The following CYS1 variants were observed in gnomAD, a reference collection of about 807,000 sequenced individuals.
CYS1 encodes cystin-1.
A neutral mutation model predicts 9.6 loss-of-function variants in CYS1; 5 were observed. The observed-to-expected ratio is 0.52, with a 90% confidence interval of 0.27 to 1.10. The LOEUF is 1.10. Ranked by LOEUF, CYS1 falls within the 50% of genes least tolerant of loss-of-function variation. The pLI is 0.11. For missense variants in CYS1, 221 were observed against 207.9 expected (o/e 1.06, Z -0.39); for synonymous variants, 88 against 95.7 (o/e 0.92, Z 0.47).
chr2:10,062,119 C>CA (rs1273410329), intron 2 of CYS1, among the ~76,000 whole-genome samples: 1 of 151,914 alleles, frequency 6.6e-6, no homozygotes, highest in Non-Finnish European at 1.5e-5. Context: ...GCCATCCTCC[C>CA]ACCTCAGTCT....
At chr2:10,067,714 T>C (rs1292383959) in intron 1 of CYS1, among the ~76,000 whole-genome samples, 2 of 152,212 alleles carry the variant, frequency 1.3e-5, no homozygotes, top group Non-Finnish European at 2.9e-5. Flanking sequence ...GTCAGAGATA[T>C]ATGAATTTAT....
intron 1 of CYS1, among the ~76,000 whole-genome samples, chr2:10,078,255 T>C (rs1661887089): frequency 6.6e-6 from 1 of 152,186 alleles, no homozygotes; most frequent in African/African-American, 2.4e-5. Context: ...CTCGGCCACC[T>C]GGATCATTGC....
chr2:10,058,609 G>GC lies in CYS1; in HGVS notation c.*243dup. On this transcript the variant is annotated 3_prime_UTR_variant, in exon 3 of 3. Transcript: ENST00000381813. ...AGGCTCCCCGCGTTGGGGAGGAGGCGCCGGCGGCCCAGGCCCACGCACCTG... is the reference window on the plus strand; with the variant it reads ...AGGCTCCCCGCGTTGGGGAGGAGGCGCCCGGCGGCCCAGGCCCACGCACCTG... 2.5e-6 allele frequency: 1 copy of GC among 402,744 alleles called. No individual in the cohort carries two copies. The highest frequency in any genetic ancestry group is 3.6e-5 in the East Asian group (1 of 27,474). The allele number at this position is 402,744 out of a possible 1,614,324, so 24.9% of individuals were successfully genotyped here.
In CYS1 at chr2:10,080,113, C is replaced by G; in HGVS notation, c.111G>C (p.Arg37=). The change falls in exon 1 of 3, where the codon CGG becomes CGC. Residue 37 remains arginine, a synonymous_variant. Transcript: ENST00000381813. The surrounding 1 kb of genome is among the most constrained non-coding windows in gnomAD (Gnocchi z 6.4). ...AAALEGGTRR[R]VPVAAAEVPG... is the part of the protein sequence containing the mutation. Reference sequence around the variant, plus strand: ...GGACCTCGGCCGCCGCCACCGGCACCCGCCGGCGGGTCCCGCCCTCCAGGG... The same window carrying G: ...GGACCTCGGCCGCCGCCACCGGCACGCGCCGGCGGGTCCCGCCCTCCAGGG... 6.8e-6 allele frequency: 7 copies of G among 1,027,442 alleles called. No homozygotes were observed. The highest frequency in any genetic ancestry group is 8.2e-6 in the Non-Finnish European group (7 of 858,804). 63.6% of individuals were successfully genotyped at this position (1,027,442 alleles called of 1,614,324 possible).
At chr2:10,062,156 T>C (rs1432899505) in intron 2 of CYS1, among the ~76,000 whole-genome samples, 2 of 151,978 alleles carry the variant, frequency 1.3e-5, no homozygotes, top group Admixed American at 1.3e-4. Flanking sequence ...CCCAGGCATG[T>C]GCCACCACGC....
At chr2:10,077,651 CCT>C (rs1342060840) in intron 1 of CYS1, among the ~76,000 whole-genome samples, 3 of 152,024 alleles carry the variant, frequency 2.0e-5, no homozygotes, top group Non-Finnish European at 2.9e-5. Context: ...ATGGTGAAAC[CCT>C]GTTTCTGCTA....
At position 10,076,145 on chromosome 2, in the gene CYS1, T is replaced by C. The variant is rs1661839904; in HGVS notation, c.318+3761A>G. 6.6e-6 allele frequency among the ~76,000 whole-genome samples: 1 copy of C among 152,080 alleles called. No individual in the cohort carries two copies. Among genetic ancestry groups the C allele is most frequent in the African/African-American group, 2.4e-5 (1 of 41,410 alleles). On this transcript the variant is annotated intron_variant, in intron 1 of 2. Coordinates refer to ENST00000381813, the MANE Select transcript of CYS1 (RefSeq NM_001037160.3). This position sits in a 1 kb window ranked among gnomAD's most constrained non-coding sequence, Gnocchi z 4.3. ...CAGAGGTTGCAGTGAGCCGATGCAC[T>C]CCAGCCTGGGCGACAGACCAAGATT...
intron 1 of CYS1, among the ~76,000 whole-genome samples, chr2:10,072,644 G>T (rs1469330764): frequency 6.6e-6 from 1 of 152,096 alleles, no homozygotes; most frequent in Non-Finnish European, 1.5e-5. Flanking sequence ...TTGGCTTTTC[G>T]GTTTTCTTAA....
intron 1 of CYS1, 132 bp from the exon 2 acceptor site, chr2:10,066,088 C>T (rs567819661): frequency 4.8e-4 from 478 of 995,284 alleles, no homozygotes; most frequent in Middle Eastern, 6.1e-4. Context: ...AGCGGAAAGG[C>T]TCTCGAGCTG....
At chr2:10,077,919 G>A (rs937833709) in intron 1 of CYS1, among the ~76,000 whole-genome samples, 3 of 152,048 alleles carry the variant, frequency 2.0e-5, no homozygotes, top group Admixed American at 6.6e-5. Context: ...AAACCAGCCT[G>A]GCCATCATGG....
rs1474206979 is a variant in CYS1 at position 10,056,560 on chromosome 2, A to C, written c.*2293T>G. Among the ~76,000 whole-genome samples the C allele has an allele frequency of 6.6e-6, 1 of 152,274 alleles. No individual in the cohort carries two copies. The highest frequency in any genetic ancestry group is 1.9e-4 in the East Asian group (1 of 5,200). On this transcript the variant is annotated 3_prime_UTR_variant, in exon 3 of 3. Coordinates refer to ENST00000381813, the MANE Select transcript of CYS1 (RefSeq NM_001037160.3). ...TTCTTTCTGCCTCCATTCCAGCCACAGTCCCATCCTGGCAGTGAGCAAATC... is the reference window on the plus strand; with the variant it reads ...TTCTTTCTGCCTCCATTCCAGCCACCGTCCCATCCTGGCAGTGAGCAAATC...
intron 1 of CYS1, among the ~76,000 whole-genome samples, chr2:10,070,019 A>T (rs1214622731): frequency 6.6e-6 from 1 of 152,256 alleles, no homozygotes; most frequent in African/African-American, 2.4e-5. Flanking sequence ...AGCCAGACAG[A>T]GGCTGGGTGA....
intron 1 of CYS1, among the ~76,000 whole-genome samples, chr2:10,070,490 T>A (rs556472038): frequency 6.6e-6 from 1 of 151,956 alleles, no homozygotes; most frequent in South Asian, 2.1e-4. Flanking sequence ...GGATTACAGA[T>A]GTATGCCACC....
chr2:10,060,650 C>T (rs1347103239), intron 2 of CYS1, among the ~76,000 whole-genome samples: 1 of 152,268 alleles, frequency 6.6e-6, no homozygotes, highest in East Asian at 1.9e-4. Flanking sequence ...CACTGCCTGT[C>T]TGTGAAAGCA....
At chr2:10,071,021 C>G (rs1436287590) in intron 1 of CYS1, among the ~76,000 whole-genome samples, 1 of 146,418 alleles carries the variant, frequency 6.8e-6, no homozygotes, top group Non-Finnish European at 1.6e-5. Flanking sequence ...GGCTGGAGTG[C>G]AGTGGCGTGA....
chr2:10,061,033 A>G (rs1661620028), intron 2 of CYS1, among the ~76,000 whole-genome samples: 1 of 152,072 alleles, frequency 6.6e-6, no homozygotes, highest in African/African-American at 2.4e-5. Context: ...GGAGTTCGAG[A>G]CCAGCCTGGC....
rs1273337368 is a variant in CYS1, at chr2:10,080,224, G to A, written c.-1C>T. On this transcript the variant is annotated 5_prime_UTR_variant, in exon 1 of 3. Coordinates refer to ENST00000381813, the MANE Select transcript of CYS1 (RefSeq NM_001037160.3). This position sits in a 1 kb window ranked among gnomAD's most constrained non-coding sequence, Gnocchi z 6.4. Reference sequence around the variant, plus strand: ...TGCTCCGGCTGCTGCCGCTGCCCATGGCGCGCCCGCCGCCTCCCGGACCGC... The same window carrying A: ...TGCTCCGGCTGCTGCCGCTGCCCATAGCGCGCCCGCCGCCTCCCGGACCGC... 4 of 1,049,688 alleles carry A rather than the reference G, an allele frequency of 3.8e-6. No individual in the cohort carries two copies. In the East Asian group the frequency reaches 3.2e-4, roughly 84 times the overall value. The allele number at this position is 1,049,688 out of a possible 1,614,324, so 65.0% of individuals were successfully genotyped here. A position where few individuals can be genotyped will look rare whatever the true frequency, so the allele number is the denominator to read the frequency against.
At chr2:10,077,532 G>C (rs1661859872) in intron 1 of CYS1, among the ~76,000 whole-genome samples, 1 of 152,214 alleles carries the variant, frequency 6.6e-6, no homozygotes, top group Admixed American at 6.5e-5. Flanking sequence ...GAAACTAAAA[G>C]TAGTGTTATT....
intron 1 of CYS1, among the ~76,000 whole-genome samples, chr2:10,070,710 T>C (rs1230143967): frequency 6.6e-6 from 1 of 151,972 alleles, no homozygotes; most frequent in African/African-American, 2.4e-5. Flanking sequence ...GGTGGCCTGA[T>C]CATAGCTCGC....
Sources: gnomAD v4.1 joint callset for allele counts (sites outside exome capture counted in the v4.1 genomes callset) on GRCh38, gnomAD v4.1.1 for gene constraint, Gnocchi (gnomAD v3.1) non-coding constraint, MANE v1.5 for transcripts, NCBI Gene and HGNC (gene_info 2026-07-23, HGNC 2026-07-21) for gene names.